AFF1: variants seen among roughly 807,000 people sequenced by gnomAD.
AFF1 encodes ALF transcription elongation factor 1, also known as AF4/FMR2 family member 1.
AFF1 carries 48 observed loss-of-function variants against 121.7 expected under a neutral mutation model. The observed-to-expected ratio is 0.39, with a 90% confidence interval of 0.31 to 0.50. AFF1 has a LOEUF of 0.50. Ranked by LOEUF, AFF1 falls within the 20% of genes least tolerant of loss-of-function variation. The pLI is 0.76. For synonymous variants in AFF1, 613 were observed against 563.0 expected, an observed-to-expected ratio of 1.09 and a Z score of -1.26; for missense variants, 1,523 against 1,511.7, an observed-to-expected ratio of 1.01 and a Z score of -0.12.
intron 2 of AFF1, among the ~76,000 whole-genome samples, chr4:86,998,495 C>T (rs1386824237): frequency 2.0e-5 from 3 of 152,168 alleles, no homozygotes; most frequent in East Asian, 1.9e-4. Flanking sequence ...AAGAAAATAA[C>T]GTCATCTGAC....
Position 87,139,139 on chromosome 4 carries a change from A to G in AFF1, c.*3438A>G, listed in dbSNP as rs887556270. 8.7e-6 allele frequency: 2 copies of G among 229,782 alleles called. No individual in the cohort carries two copies. The highest frequency in any genetic ancestry group is 2.2e-5 in the African/African-American group (1 of 45,182). The allele number at this position is 229,782 out of a possible 1,614,324, so 14.2% of individuals were successfully genotyped here. A position where few individuals can be genotyped will look rare whatever the true frequency, so the allele number is the denominator to read the frequency against. Reference sequence around the variant, plus strand: ...GATATACAAAGGGATATAAATATATACACTTAAATAGAGAAAAAGAGGTTG... The same window carrying G: ...GATATACAAAGGGATATAAATATATGCACTTAAATAGAGAAAAAGAGGTTG... On this transcript the variant is annotated 3_prime_UTR_variant, in exon 21 of 21. Coordinates refer to ENST00000395146, the MANE Select transcript of AFF1 (RefSeq NM_001166693.3).
intron 4 of AFF1, among the ~76,000 whole-genome samples, chr4:87,055,022 G>T (rs1408461372): frequency 6.6e-6 from 1 of 152,112 alleles, no homozygotes; most frequent in African/African-American, 2.4e-5. Flanking sequence ...CTCTCACCCG[G>T]GCTGGAATGC....
chr4:86,985,236 C>T (rs1290979181), intron 2 of AFF1, among the ~76,000 whole-genome samples: 2 of 123,030 alleles, frequency 1.6e-5, no homozygotes, highest in Admixed American at 1.7e-4. Flanking sequence ...TTAGGCCGGG[C>T]AGAGGGGCTC....
At chr4:87,026,669 C>G (rs1728569237) in intron 2 of AFF1, among the ~76,000 whole-genome samples, 1 of 152,244 alleles carries the variant, frequency 6.6e-6, no homozygotes, top group South Asian at 2.1e-4. Flanking sequence ...TGACATGGTT[C>G]CTCAGCATGT....
At chr4:86,969,879 C>CAAAAAGAAAAAA (rs1722814724) in intron 2 of AFF1, among the ~76,000 whole-genome samples, 1 of 63,610 alleles carries the variant, frequency 1.6e-5, no homozygotes, top group Non-Finnish European at 3.1e-5. Flanking sequence ...GACTCCGTCT[C>CAAAAAGAAAAAA]AAAAAAAAAA....
intron 2 of AFF1, among the ~76,000 whole-genome samples, chr4:87,043,363 GAA>G (rs1303610246): frequency 6.6e-6 from 1 of 152,200 alleles, no homozygotes; most frequent in Admixed American, 6.5e-5. Context: ...TGGGAGAATA[GAA>G]GCTTAGATGC....
chr4:87,112,141 C>T (rs1208771863), intron 11 of AFF1, among the ~76,000 whole-genome samples: 2 of 152,192 alleles, frequency 1.3e-5, no homozygotes, highest in Admixed American at 1.3e-4. Context: ...ATCTCACTAC[C>T]TTGTCCCATC....
At chr4:86,946,882 A>G (rs945395416) in intron 1 of AFF1, among the ~76,000 whole-genome samples, 2 of 152,146 alleles carry the variant, frequency 1.3e-5, no homozygotes, top group African/African-American at 4.8e-5. Context: ...GGTTGCAAGC[A>G]GGTTGAGCAT....
At chr4:86,943,839 G>A (rs1324394452) in intron 1 of AFF1, among the ~76,000 whole-genome samples, 1 of 151,960 alleles carries the variant, frequency 6.6e-6, no homozygotes, top group African/African-American at 2.4e-5. Flanking sequence ...GTGCATGCCT[G>A]TAATCCCAGC....
Position 87,085,751 on chromosome 4 carries a change from C to CTTTT in AFF1, c.1104+1599_1104+1602dup, listed in dbSNP as rs200938461. On this transcript the variant is annotated intron_variant, in intron 5 of 20. Transcript: ENST00000395146. ...AGAAAGAACCTCTAGAGAAACATAC[C>CTTTT]TTTTTTTTTTTTTTTGAGACAGAGT... 9.3e-3 allele frequency among the ~76,000 whole-genome samples: 1,298 copies of CTTTT among 139,080 alleles called. 61 individuals are homozygous for CTTTT. The highest frequency in any genetic ancestry group is 0.084 in the Admixed American group (1,160 of 13,772). The allele number at this position is 139,080 out of a possible 152,430, so 91.2% of individuals were successfully genotyped here.
chr4:87,055,170 G>T (rs1407692032), intron 4 of AFF1, among the ~76,000 whole-genome samples: 3 of 152,182 alleles, frequency 2.0e-5, no homozygotes, highest in Admixed American at 1.3e-4. Flanking sequence ...TAGAGACAAG[G>T]TCTTGGGGTG....
intron 17 of AFF1, 144 bp downstream of exon 17, chr4:87,131,363 C>A: frequency 9.1e-7 from 1 of 1,103,702 alleles, no homozygotes; most frequent in Non-Finnish European, 1.3e-6. Context: ...TAGTGTTTGT[C>A]CTGAAGTTGC....
intron 2 of AFF1, among the ~76,000 whole-genome samples, chr4:86,988,012 C>A (rs1299879091): frequency 6.6e-6 from 1 of 151,120 alleles, no homozygotes; most frequent in Non-Finnish European, 1.5e-5. Flanking sequence ...ACCCCCCAAC[C>A]CCAGAGTTTC....
intron 5 of AFF1, among the ~76,000 whole-genome samples, chr4:87,089,056 T>TA (rs1223904258): frequency 2.6e-5 from 4 of 152,176 alleles, no homozygotes. Context: ...TGTCGAGTAT[T>TA]AAGCCAGTTT....
chr4:86,994,468 C>G (rs4693800), intron 2 of AFF1, among the ~76,000 whole-genome samples: 65,078 of 152,164 alleles, frequency 0.43, 16,640 homozygotes, highest in South Asian at 0.65. Context: ...ATTATGCAAT[C>G]TGGGGGCAGA....
At chr4:87,031,370 T>TA (rs1333785787) in intron 2 of AFF1, among the ~76,000 whole-genome samples, 1 of 152,216 alleles carries the variant, frequency 6.6e-6, no homozygotes, top group African/African-American at 2.4e-5. Flanking sequence ...CTCCTCCATT[T>TA]AGAGTTCCTG....
intron 2 of AFF1, among the ~76,000 whole-genome samples, chr4:87,037,241 A>C (rs1178344645): frequency 4.6e-5 from 7 of 152,206 alleles, no homozygotes; most frequent in Admixed American, 4.6e-4. Flanking sequence ...TTTAAAAACA[A>C]CGTTAACAAA....
At chr4:87,105,253 G>A (rs1725795024) in intron 8 of AFF1, among the ~76,000 whole-genome samples, 1 of 152,138 alleles carries the variant, frequency 6.6e-6, no homozygotes, top group African/African-American at 2.4e-5. Context: ...CTCCCCATTT[G>A]TTTTGTTTGC....
intron 2 of AFF1, among the ~76,000 whole-genome samples, chr4:87,015,785 A>T (rs1727231742): frequency 2.0e-5 from 3 of 152,250 alleles, no homozygotes; most frequent in Admixed American, 2.0e-4. Context: ...TTGACAGTTT[A>T]TGATAAGCCT....
Sources: gnomAD v4.1 joint callset for allele counts (sites outside exome capture counted in the v4.1 genomes callset) on GRCh38, gnomAD v4.1.1 for gene constraint, MANE v1.5 for transcripts, NCBI Gene and HGNC (gene_info 2026-07-23, HGNC 2026-07-21) for gene names.